Variants in PPT1 observed in about 807,000 individuals in gnomAD.
The protein encoded by PPT1 is palmitoyl-protein thioesterase 1, also known as ceroid-palmitoyl-palmitoyl-protein thioesterase 1.
A neutral mutation model predicts 44.0 loss-of-function variants in PPT1; 24 were observed. That is an observed-to-expected ratio of 0.54 (90% CI 0.39 to 0.77). PPT1 has a LOEUF of 0.77. Among genes scored for constraint, PPT1 ranks in the 30% least tolerant of loss-of-function variants. PPT1 has a pLI of 0.00. For missense variants in PPT1, 341 were observed against 378.8 expected, an observed-to-expected ratio of 0.90 and a Z score of 0.83; for synonymous variants, 148 against 140.2, an observed-to-expected ratio of 1.06 and a Z score of -0.39.
chr1:40,071,536 G>A (rs138936676), downstream of PPT1: 2,747 of 1,603,612 alleles, frequency 1.7e-3, 36 homozygotes, highest in East Asian at 0.033. Flanking sequence ...CTGGATAAGC[G>A]AAGTGCCACT....
intron 8 of PPT1, among the ~76,000 whole-genome samples, chr1:40,074,913 T>TAAGTGGGACTATGGC (rs1648534425): frequency 1.3e-5 from 2 of 152,156 alleles, no homozygotes; most frequent in Non-Finnish European, 2.9e-5. Context: ...ATGCCATAGG[T>TAAGTGGGACTATGGC]AAGTGGGACT....
chr1:40,089,076 C>G (rs1014997274), intron 5 of PPT1, among the ~76,000 whole-genome samples: 1 of 151,846 alleles, frequency 6.6e-6, no homozygotes, highest in Non-Finnish European at 1.5e-5. Flanking sequence ...CACCTGAGCT[C>G]GGGAAGTTGG....
Position 40,092,447 on chromosome 1 carries a change from A to G in PPT1, c.185T>C (p.Ile62Thr). 6.2e-7 allele frequency: 1 copy of G among 1,613,990 alleles called. No individual in the cohort carries two copies. The highest frequency in any genetic ancestry group is 8.5e-7 in the Non-Finnish European group (1 of 1,179,852). Residue 62 changes from isoleucine to threonine, a missense_variant, in exon 2 of 9, where the codon ATA becomes ACA. By Grantham distance (89) the Ile-to-Thr change is moderately conservative. Transcript: ENST00000642050. ...GAIKKMVEKK[I>T]PGIYVLSLEI... ...TAAAGATAAGACGTAAATTCCAGGT[A>G]TTTTCTTCTCCACCATTTTTTTAAT...
intron 8 of PPT1, chr1:40,075,141 G>C (rs1459967631): frequency 1.3e-5 from 2 of 152,364 alleles, no homozygotes; most frequent in Non-Finnish European, 2.9e-5. Flanking sequence ...TGTAATCCTA[G>C]CTACTTGGGA....
At chr1:40,075,419 G>A (rs1384581392) in intron 8 of PPT1, among the ~76,000 whole-genome samples, 1 of 151,856 alleles carries the variant, frequency 6.6e-6, no homozygotes. Flanking sequence ...CTTCTGCCGT[G>A]GCCAACATCA....
Position 40,074,107 on chromosome 1 carries a change from A to G in PPT1, c.875T>C (p.Leu292Ser), listed in dbSNP as rs199708990. ...GTGGGCATAAAACCATTCTTCAGAC[A>G]ACTGAAGATGGTCCCCTTCTGTAGC... ...FLATEGDHLQ[L>S]SEEWFYAHII... is the part of the protein sequence containing the mutation. Residue 292 changes from leucine to serine, a missense_variant, in exon 9 of 9, where the codon TTG (leucine) becomes TCG (serine). By Grantham distance (145) the Leu-to-Ser change is moderately radical. Transcript: ENST00000642050. 85 of 1,613,912 alleles carry G rather than the reference A, an allele frequency of 5.3e-5. No homozygotes were observed. Among genetic ancestry groups the G allele is most frequent in the Non-Finnish European group, 6.4e-5 (76 of 1,179,888 alleles).
chr1:40,074,471 CTCTT>C lies in PPT1; in HGVS notation c.799-292_799-289del, dbSNP rs35355845. ...CCTCTCTCTCTCTCTGTCTCTCTTT[CTCTT>C]TCTTTCTTTCAAGACGGAGTCTTGC... On this transcript the variant is annotated intron_variant, in intron 8 of 8. Coordinates refer to ENST00000642050, the MANE Select transcript of PPT1 (RefSeq NM_000310.4). Among the ~76,000 whole-genome samples the C allele has an allele frequency of 0.028, 3,471 of 123,402 alleles. 152 individuals carry two copies. Among genetic ancestry groups the C allele is most frequent in the African/African-American group, 0.096 (3,166 of 33,130 alleles). The allele number at this position is 123,402 out of a possible 152,430, so 81.0% of individuals were successfully genotyped here. A position where few individuals can be genotyped will look rare whatever the true frequency, so the allele number is the denominator to read the frequency against.
rs201820661 is a variant in PPT1 at position 40,091,399 on chromosome 1, C to A, written c.363G>T (p.Leu121=). The part of the protein sequence containing the change: ...AMGFSQGGQF[L]RAVAQRCPSP... ...AAGGGCATCTCTGAGCCACTGCCCTCCTACGGAATAAAAGGGAGTTTTAGC... is the reference window on the plus strand; with the variant it reads ...AAGGGCATCTCTGAGCCACTGCCCTACTACGGAATAAAAGGGAGTTTTAGC... Residue 121 remains leucine, a splice_region_variant and synonymous_variant, in exon 4 of 9, where the codon CTG becomes CTT. Transcript: ENST00000642050. 58 of 1,612,900 alleles carry A rather than the reference C, an allele frequency of 3.6e-5. No individual in the cohort carries two copies. The highest frequency in any genetic ancestry group is 4.8e-5 in the Non-Finnish European group (57 of 1,179,234).
chr1:40,085,989 C>T (rs774929008), intron 5 of PPT1, among the ~76,000 whole-genome samples: 12 of 152,110 alleles, frequency 7.9e-5, no homozygotes, highest in South Asian at 4.1e-4. Context: ...GCAAGTTCAT[C>T]GGCTGAGGGC....
At chr1:40,093,240 A>T (rs933815824) in intron 1 of PPT1, among the ~76,000 whole-genome samples, 1 of 152,376 alleles carries the variant, frequency 6.6e-6, no homozygotes. Context: ...GAACCTCAGA[A>T]ACATTATACT....
At chr1:40,093,857 C>T (rs1649701788) in intron 1 of PPT1, 1 of 553,450 alleles carries the variant, frequency 1.8e-6, no homozygotes, top group Admixed American at 3.0e-5. Flanking sequence ...GCACTCCAGC[C>T]TGGGCAACAG....
At chr1:40,077,180 T>C (rs1648673291) in intron 7 of PPT1, among the ~76,000 whole-genome samples, 1 of 152,374 alleles carries the variant, frequency 6.6e-6, no homozygotes, top group South Asian at 2.1e-4. Flanking sequence ...GAAAAATTCC[T>C]GTGCTGAGCT....
chr1:40,080,840 C>T (rs1482731475), intron 5 of PPT1, among the ~76,000 whole-genome samples: 1 of 152,168 alleles, frequency 6.6e-6, no homozygotes, highest in African/African-American at 2.4e-5. Context: ...CAGCACTGCA[C>T]TTCAGCCTGT....
chr1:40,088,469 G>A (rs181485788), intron 5 of PPT1, among the ~76,000 whole-genome samples: 20 of 152,208 alleles, frequency 1.3e-4, no homozygotes, highest in Admixed American at 5.9e-4. Context: ...ATAAAGCCCA[G>A]GAATCCATTT....
In PPT1 at chr1:40,092,113, T is replaced by C; in HGVS notation, c.294A>G (p.Ala98=). The C allele has an allele frequency of 6.2e-7, 1 of 1,614,124 alleles. No individual in the cohort carries two copies. The highest frequency in any genetic ancestry group is 8.5e-7 in the Non-Finnish European group (1 of 1,179,962). ...GCTGCAATTTAGGATCCTTAGCAAG[T>C]GCCTGACACACTGTTGTTACTTGGG... ...VNSQVTTVCQ[A]LAKDPKLQQG... is the part of the protein sequence containing the mutation. The change falls in exon 3 of 9, where the codon GCA becomes GCG. Residue 98 remains alanine, a synonymous_variant. Transcript: ENST00000642050.
chr1:40,097,148 C>T lies in PPT1; in HGVS notation c.91G>A (p.Ala31Thr). 6.2e-7 allele frequency: 1 copy of T among 1,614,146 alleles called. No homozygotes were observed. Residue 31 changes from alanine (A) to threonine (T), a missense_variant, in exon 1 of 9, where the codon GCG becomes ACG. Physicochemically the swap from Ala to Thr is moderately conservative, Grantham distance 58. Transcript: ENST00000642050. Reference sequence around the variant, plus strand: ...TGCCAGATCACCAACGGCAGCGGCGCCGGCGGGTCCAGATGCTGCAGCGCC... The same window carrying T: ...TGCCAGATCACCAACGGCAGCGGCGTCGGCGGGTCCAGATGCTGCAGCGCC... ...SRALQHLDPP[A>T]PLPLVIWHGM...
chr1:40,071,662 T>C, downstream of PPT1: 1 of 631,260 alleles, frequency 1.6e-6, no homozygotes. Flanking sequence ...GAAGCACAGC[T>C]ACCTGCCTTC....
At chr1:40,089,350 G>T in intron 5 of PPT1, 60 bp downstream of exon 5, 1 of 1,271,360 alleles carries the variant, frequency 7.9e-7, no homozygotes, top group Non-Finnish European at 1.1e-6. Flanking sequence ...GAGCATGAAA[G>T]TCAGCATGAT....
intron 3 of PPT1, 134 bp from the exon 4 acceptor site, chr1:40,091,533 G>A: frequency 2.5e-6 from 2 of 789,890 alleles, no homozygotes; most frequent in Non-Finnish European, 4.3e-6. Flanking sequence ...CCTGATATGG[G>A]CAAATGCAAA....
Sources: allele counts gnomAD v4.1 joint callset (sites outside exome capture counted in the v4.1 genomes callset), GRCh38; gene constraint gnomAD v4.1.1; transcripts MANE v1.5; gene names NCBI Gene and HGNC (gene_info 2026-07-23, HGNC 2026-07-21).